MAPKAP1: variants seen among roughly 807,000 people sequenced by gnomAD.
MAPKAP1 encodes the protein target of rapamycin complex 2 subunit MAPKAP1.
A neutral mutation model predicts 65.7 loss-of-function variants in MAPKAP1; 20 were observed. That is an observed-to-expected ratio of 0.30 (90% CI 0.21 to 0.44). The LOEUF (loss-of-function observed/expected upper bound fraction) is 0.44. MAPKAP1 is among the 20% of genes least tolerant of loss of function. The pLI, the probability that MAPKAP1 is intolerant of heterozygous loss-of-function variation, is 1.00. For missense variants in MAPKAP1, 423 were observed against 648.0 expected (o/e 0.65, Z 3.77); for synonymous variants, 222 against 244.3 (o/e 0.91, Z 0.85).
chr9:125,650,341 G>A (rs530450031), intron 4 of MAPKAP1: 4 of 152,310 alleles, frequency 2.6e-5, no homozygotes, highest in African/African-American at 9.6e-5. Context: ...TGAGGTTAAA[G>A]AGAACACCTC....
Position 125,707,162 on chromosome 9 carries a change from C to T in MAPKAP1, c.-261G>A, listed in dbSNP as rs1835791922. ...CCCTCATGCCCCTGCTGCTCGCCGC[C>T]GCCGGCCGGCCGAGCAGCAGCCCTA... On this transcript the variant is annotated 5_prime_UTR_variant, in exon 1 of 12. Coordinates refer to ENST00000265960, the MANE Select transcript of MAPKAP1 (RefSeq NM_001006617.3). The T allele has an allele frequency of 2.5e-6, 1 of 398,172 alleles. No homozygotes were observed. The highest frequency in any genetic ancestry group is 4.4e-6 in the Non-Finnish European group (1 of 225,752). 24.7% of individuals were successfully genotyped at this position (398,172 alleles called of 1,614,324 possible).
chr9:125,601,161 T>TA (rs1395253753), intron 4 of MAPKAP1, among the ~76,000 whole-genome samples: 1 of 111,412 alleles, frequency 9.0e-6, no homozygotes, highest in Non-Finnish European at 2.1e-5. Flanking sequence ...GATGTATCTC[T>TA]AAAAAAGGTT....
intron 3 of MAPKAP1, among the ~76,000 whole-genome samples, chr9:125,662,067 G>A (rs1015484607): frequency 5.3e-5 from 8 of 152,162 alleles, no homozygotes; most frequent in South Asian, 2.1e-4. Flanking sequence ...AACGATAATC[G>A]GATATTTAAT....
chr9:125,620,947 C>T (rs1309649979), intron 4 of MAPKAP1, among the ~76,000 whole-genome samples: 2 of 152,080 alleles, frequency 1.3e-5, no homozygotes, highest in Admixed American at 6.6e-5. Context: ...CTATTTAACA[C>T]ATGAAATTAA....
rs892487235 is a variant in MAPKAP1 at position 125,559,616 on chromosome 9, A to G, written c.848+17T>C. 5.0e-6 allele frequency: 8 copies of G among 1,600,860 alleles called. No individual in the cohort carries two copies. The South Asian group carries it at 7.8e-5, about 16-fold the overall frequency. Reference sequence around the variant, plus strand: ...TTGGGATGAGATACCGAGAGAAGTAATAGAGTCAGTACTCACATTCGAACA... The same window carrying G: ...TTGGGATGAGATACCGAGAGAAGTAGTAGAGTCAGTACTCACATTCGAACA... On this transcript the variant is annotated intron_variant, in intron 6 of 11. Transcript: ENST00000265960.
intron 5 of MAPKAP1, among the ~76,000 whole-genome samples, chr9:125,581,283 T>C (rs1264830735): frequency 6.6e-6 from 1 of 152,264 alleles, no homozygotes; most frequent in Non-Finnish European, 1.5e-5. Context: ...TGCCAAAGTA[T>C]TTTCCAGAAT....
At chr9:125,457,571 C>T (rs1853234081) in intron 10 of MAPKAP1, among the ~76,000 whole-genome samples, 1 of 152,236 alleles carries the variant, frequency 6.6e-6, no homozygotes, top group Non-Finnish European at 1.5e-5. Flanking sequence ...CAATATTACA[C>T]TGTAGGTGTC....
At chr9:125,462,373 G>T (rs1253107537) in intron 10 of MAPKAP1, among the ~76,000 whole-genome samples, 1 of 152,168 alleles carries the variant, frequency 6.6e-6, no homozygotes, top group East Asian at 1.9e-4. Context: ...AACAAAATCA[G>T]TGAGAACATA....
At chr9:125,586,812 C>T (rs1391859912) in intron 4 of MAPKAP1, among the ~76,000 whole-genome samples, 2 of 152,124 alleles carry the variant, frequency 1.3e-5, no homozygotes, top group Non-Finnish European at 1.5e-5. Flanking sequence ...GAGTTCAAAT[C>T]GGAATGCTTG....
chr9:125,528,051 A>T lies in MAPKAP1; in HGVS notation c.958+15008T>A, dbSNP rs1259421157. Among the ~76,000 whole-genome samples, 3 of 152,122 alleles carry T rather than the reference A, an allele frequency of 2.0e-5. No individual in the cohort carries two copies. The East Asian group carries it at 5.8e-4, about 29-fold the overall frequency. ...CTTAGTTCATTCCACAAATGTGCTAACCACCAACCCTGGGCCAGCTGCGGT... is the reference window on the plus strand; with the variant it reads ...CTTAGTTCATTCCACAAATGTGCTATCCACCAACCCTGGGCCAGCTGCGGT... On this transcript the variant is annotated intron_variant, in intron 7 of 11. Transcript: ENST00000265960.
intron 7 of MAPKAP1, among the ~76,000 whole-genome samples, chr9:125,518,196 C>T (rs1378400844): frequency 6.6e-6 from 1 of 152,214 alleles, no homozygotes; most frequent in East Asian, 1.9e-4. Context: ...TAAAAAATTT[C>T]ATACAACCTA....
intron 4 of MAPKAP1, among the ~76,000 whole-genome samples, chr9:125,621,980 T>A (rs1832915117): frequency 6.6e-6 from 1 of 152,222 alleles, no homozygotes; most frequent in South Asian, 2.1e-4. Context: ...TCATCATCAC[T>A]GGCAACATGG....
chr9:125,691,044 G>C (rs1444799255), intron 1 of MAPKAP1, among the ~76,000 whole-genome samples: 2 of 152,164 alleles, frequency 1.3e-5, no homozygotes, highest in Non-Finnish European at 2.9e-5. Context: ...GGTGGATCGC[G>C]AGGTCAGGAG....
At chr9:125,563,947 G>A (rs1211718833) in intron 5 of MAPKAP1, among the ~76,000 whole-genome samples, 3 of 152,158 alleles carry the variant, frequency 2.0e-5, no homozygotes, top group East Asian at 3.8e-4. Flanking sequence ...TCCTGACCTC[G>A]TGATCCACCC....
At chr9:125,588,479 T>C (rs1006115945) in intron 4 of MAPKAP1, among the ~76,000 whole-genome samples, 20 of 152,204 alleles carry the variant, frequency 1.3e-4, no homozygotes, top group African/African-American at 4.6e-4. Flanking sequence ...GTTCATAACA[T>C]TGTTAATATA....
chr9:125,569,583 T>C (rs939014722), intron 5 of MAPKAP1, among the ~76,000 whole-genome samples: 4 of 152,192 alleles, frequency 2.6e-5, no homozygotes, highest in African/African-American at 4.8e-5. Flanking sequence ...AAGGACGTTA[T>C]TAGAGAGTGC....
Position 125,702,708 on chromosome 9 carries a change from T to C in MAPKAP1, c.-70+4263A>G, listed in dbSNP as rs947306681. Reference sequence around the variant, plus strand: ...CTCTACTAAAAATACAAAAATTAGCTGGGCGTGGTGATGGGCACCTGTAGT... The same window carrying C: ...CTCTACTAAAAATACAAAAATTAGCCGGGCGTGGTGATGGGCACCTGTAGT... On this transcript the variant is annotated intron_variant, in intron 1 of 11. Coordinates refer to ENST00000265960, the MANE Select transcript of MAPKAP1 (RefSeq NM_001006617.3). 2.7e-5 allele frequency among the ~76,000 whole-genome samples: 4 copies of C among 149,202 alleles called. No homozygotes were observed. In the South Asian group the frequency reaches 8.5e-4, roughly 32 times the overall value.
chr9:125,466,586 C>T (rs575787581), intron 10 of MAPKAP1, among the ~76,000 whole-genome samples: 1 of 152,092 alleles, frequency 6.6e-6, no homozygotes, highest in Non-Finnish European at 1.5e-5. Flanking sequence ...CTTTATTGGC[C>T]GACAAGCTGA....
intron 1 of MAPKAP1, among the ~76,000 whole-genome samples, chr9:125,683,862 A>G (rs773487780): frequency 2.6e-5 from 4 of 152,192 alleles, no homozygotes; most frequent in Non-Finnish European, 4.4e-5. Context: ...GGCTCTCTAA[A>G]ATGCAATTTC....
Sources: allele counts gnomAD v4.1 joint callset (sites outside exome capture counted in the v4.1 genomes callset), GRCh38; gene constraint gnomAD v4.1.1; transcripts MANE v1.5; gene names NCBI Gene and HGNC (gene_info 2026-07-23, HGNC 2026-07-21).